Variants in SYN3 observed in about 807,000 individuals in gnomAD.
SYN3 encodes synapsin III, also known as synapsin-3.
In SYN3, 35 loss-of-function variants were observed where a neutral mutation model predicts 65.8. The observed-to-expected ratio is 0.53, with a 90% confidence interval of 0.41 to 0.70. The LOEUF (loss-of-function observed/expected upper bound fraction) is 0.70. Ranked by LOEUF, SYN3 falls within the 30% of genes least tolerant of loss-of-function variation. SYN3 has a pLI of 0.00. For synonymous variants in SYN3, 270 were observed against 292.9 expected (o/e 0.92, Z 0.80); for missense variants, 680 against 749.0 (o/e 0.91, Z 1.08).
In SYN3 at chr22:32,509,164, C is replaced by T. The variant is rs906198990; in HGVS notation, c.*4528G>A. Reference sequence around the variant, plus strand: ...GTACGGTACCATTTTATCGCGCTGACGGGAGGAAGATCTGGAAGAACTTTT... The same window carrying T: ...GTACGGTACCATTTTATCGCGCTGATGGGAGGAAGATCTGGAAGAACTTTT... On this transcript the variant is annotated 3_prime_UTR_variant, in exon 14 of 14. Coordinates refer to ENST00000358763, the MANE Select transcript of SYN3 (RefSeq NM_003490.4). Among the ~76,000 whole-genome samples the T allele has an allele frequency of 7.2e-5, 11 of 152,218 alleles. No homozygotes were observed. The highest frequency in any genetic ancestry group is 2.1e-4 in the South Asian group (1 of 4,826).
intron 4 of SYN3, among the ~76,000 whole-genome samples, chr22:32,887,160 T>G (rs750013675): frequency 9.9e-5 from 15 of 152,130 alleles, no homozygotes; most frequent in Non-Finnish European, 2.1e-4. Flanking sequence ...GAGGATCGCT[T>G]GAGTTCAGGA....
intron 7 of SYN3, among the ~76,000 whole-genome samples, chr22:32,553,931 T>TG (rs1374916823): frequency 6.6e-6 from 1 of 152,102 alleles, no homozygotes; most frequent in Non-Finnish European, 1.5e-5. Flanking sequence ...AAATCTTACA[T>TG]GGGGGAGCAG....
intron 6 of SYN3, chr22:32,857,149 G>T (rs772081144): frequency 1.1e-6 from 1 of 912,084 alleles, no homozygotes. Flanking sequence ...TCCATATTCC[G>T]ATTTCCTTTC....
intron 3 of SYN3, among the ~76,000 whole-genome samples, chr22:32,977,636 T>C (rs5998682): frequency 0.31 from 46,815 of 150,684 alleles, 7,887 homozygotes; most frequent in African/African-American, 0.45. Flanking sequence ...CCCAGCTACT[T>C]GGGAGGCTGA....
chr22:32,878,694 T>C (rs558715628), intron 4 of SYN3, among the ~76,000 whole-genome samples: 4 of 152,366 alleles, frequency 2.6e-5, no homozygotes, highest in African/African-American at 7.2e-5. Context: ...TTCAACCTTT[T>C]TTGGAAGCAG....
chr22:32,520,319 T>C (rs1408200945), intron 12 of SYN3, among the ~76,000 whole-genome samples: 1 of 151,136 alleles, frequency 6.6e-6, no homozygotes, highest in Non-Finnish European at 1.5e-5. Flanking sequence ...TTTTTTTTTG[T>C]AGAGATGGGG....
intron 6 of SYN3, among the ~76,000 whole-genome samples, chr22:32,753,816 C>T (rs931492316): frequency 1.3e-5 from 2 of 152,068 alleles, no homozygotes; most frequent in Non-Finnish European, 2.9e-5. Context: ...GGGGGTCACC[C>T]CAGGCCAGGC....
intron 7 of SYN3, among the ~76,000 whole-genome samples, chr22:32,593,873 G>A (rs965809933): frequency 6.6e-6 from 1 of 152,104 alleles, no homozygotes; most frequent in Admixed American, 6.5e-5. Context: ...AGGAAGAAAA[G>A]TTCTTGAAGG....
chr22:32,810,878 C>T (rs2145986276), intron 6 of SYN3, among the ~76,000 whole-genome samples: 1 of 152,306 alleles, frequency 6.6e-6, no homozygotes, highest in African/African-American at 2.4e-5. Context: ...CATGAATAAG[C>T]TCCCTGCCTT....
rs1317037070 is a variant in SYN3, at chr22:32,696,935, TTCCTGCTGCCCAACCGTTTAACAATG to T, written c.712-100225_712-100200del. ...TAGCTTTGCCTGTGGTGCAGCCTGC[TTCCTGCTGCCCAACCGTTTAACAATG>T]TCCTCCTTGCAGCTTGGGGAAAGAC... On this transcript the variant is annotated intron_variant, in intron 6 of 13. Coordinates refer to ENST00000358763, the MANE Select transcript of SYN3 (RefSeq NM_003490.4). 5.9e-5 allele frequency among the ~76,000 whole-genome samples: 9 copies of T among 152,330 alleles called. No homozygotes were observed. The East Asian group carries it at 1.7e-3, about 29-fold the overall frequency.
intron 3 of SYN3, among the ~76,000 whole-genome samples, chr22:32,970,543 C>A: frequency 6.8e-6 from 1 of 146,088 alleles, no homozygotes; most frequent in Non-Finnish European, 1.5e-5. Flanking sequence ...AGCGAGACTC[C>A]ATCTCAAAAA....
chr22:32,555,736 C>G (rs772456739), intron 7 of SYN3, among the ~76,000 whole-genome samples: 1 of 152,148 alleles, frequency 6.6e-6, no homozygotes, highest in Non-Finnish European at 1.5e-5. Flanking sequence ...GATAATAAAA[C>G]CATAACCCGG....
At chr22:32,565,340 C>T (rs930193819) in intron 7 of SYN3, among the ~76,000 whole-genome samples, 5 of 151,960 alleles carry the variant, frequency 3.3e-5, no homozygotes, top group Non-Finnish European at 5.9e-5. Context: ...GTGAGAGTCA[C>T]ATGTATAATT....
At chr22:32,908,419 C>A (rs2049962386) in intron 4 of SYN3, among the ~76,000 whole-genome samples, 2 of 137,408 alleles carry the variant, frequency 1.5e-5, no homozygotes, top group Admixed American at 1.6e-4. Flanking sequence ...GAGATGAGGT[C>A]TCTCTGTATC....
rs560170413 is a variant in SYN3, at chr22:32,893,563, T to C, written c.462-24438A>G. 5.3e-5 allele frequency among the ~76,000 whole-genome samples: 8 copies of C among 152,286 alleles called. No individual in the cohort carries two copies. The South Asian group carries it at 1.0e-3, about 20-fold the overall frequency. ...GAGATTAGGAATTAAGGAACTCCAA[T>C]AAGAGAACACTTGCATAAGCACTTT... On this transcript the variant is annotated intron_variant, in intron 4 of 13. Coordinates refer to ENST00000358763, the MANE Select transcript of SYN3 (RefSeq NM_003490.4).
chr22:32,607,420 C>T (rs552677253), intron 6 of SYN3, among the ~76,000 whole-genome samples: 6 of 152,284 alleles, frequency 3.9e-5, no homozygotes, highest in South Asian at 4.1e-4. Flanking sequence ...ACCACCCGCC[C>T]AGGTGCCCAA....
chr22:32,569,401 ATC>A (rs930637080), intron 7 of SYN3, among the ~76,000 whole-genome samples: 6 of 25,388 alleles, frequency 2.4e-4, no homozygotes, highest in African/African-American at 1.2e-3. Flanking sequence ...TCCATCCAAA[ATC>A]TATCTATCTA....
At position 32,590,470 on chromosome 22, in the gene SYN3, C is replaced by T. The variant is rs574619596; in HGVS notation, c.774+6204G>A. Among the ~76,000 whole-genome samples, 6 of 152,174 alleles carry T rather than the reference C, an allele frequency of 3.9e-5. No homozygotes were observed. In the South Asian group the frequency reaches 1.2e-3, roughly 32 times the overall value. ...TCTATTAAATGGACATATGAATTTC[C>T]AGCAATTATAAACAAATCTAGCATA... On this transcript the variant is annotated intron_variant, in intron 7 of 13. Transcript: ENST00000358763.
chr22:32,999,294 C>T (rs1322342884), intron 2 of SYN3, among the ~76,000 whole-genome samples: 2 of 151,944 alleles, frequency 1.3e-5, no homozygotes, highest in Admixed American at 6.6e-5. Context: ...GCCAGGTGTA[C>T]AAGATAGGGA....
Sources: allele counts gnomAD v4.1 joint callset (sites outside exome capture counted in the v4.1 genomes callset), GRCh38; gene constraint gnomAD v4.1.1; transcripts MANE v1.5; gene names NCBI Gene and HGNC (gene_info 2026-07-23, HGNC 2026-07-21).